Variants in FMNL2 observed in about 807,000 individuals in gnomAD.
FMNL2 encodes formin-like protein 2.
FMNL2 carries 51 observed loss-of-function variants against 130.2 expected under a neutral mutation model. The ratio of observed to expected loss-of-function variants is 0.39; its 90% CI spans 0.31 to 0.49. The LOEUF (loss-of-function observed/expected upper bound fraction) is 0.49. Ranked by LOEUF, FMNL2 falls within the 20% of genes least tolerant of loss-of-function variation. The probability of loss-of-function intolerance (pLI) is 0.85; values close to 1 mark genes in which losing one functional copy is unlikely to be tolerated. For missense variants in FMNL2, 977 were observed against 1,316.2 expected, an observed-to-expected ratio of 0.74 and a Z score of 3.99; for synonymous variants, 465 against 467.1, an observed-to-expected ratio of 1.00 and a Z score of 0.06.
intron 1 of FMNL2, among the ~76,000 whole-genome samples, chr2:152,415,023 A>G (rs940120831): frequency 2.6e-5 from 4 of 152,162 alleles, no homozygotes; most frequent in African/African-American, 9.7e-5. Flanking sequence ...AAATATCACA[A>G]AATTCCAGTA....
At chr2:152,570,080 C>T (rs1696093633) in intron 6 of FMNL2, among the ~76,000 whole-genome samples, 1 of 151,904 alleles carries the variant, frequency 6.6e-6, no homozygotes, top group Non-Finnish European at 1.5e-5. Context: ...CTCATACTAG[C>T]ATTGAGTTAT....
chr2:152,641,589 T>C (rs901889114), intron 25 of FMNL2, among the ~76,000 whole-genome samples: 10 of 152,208 alleles, frequency 6.6e-5, no homozygotes, highest in African/African-American at 1.7e-4. Flanking sequence ...CAGATGCTTA[T>C]AGCTTTTTAT....
intron 1 of FMNL2, among the ~76,000 whole-genome samples, chr2:152,416,353 C>T (rs889042019): frequency 6.6e-6 from 1 of 152,132 alleles, no homozygotes; most frequent in Non-Finnish European, 1.5e-5. Context: ...GTGTTCACTT[C>T]TTTTATCAAA....
Position 152,526,022 on chromosome 2 carries a change from G to A in FMNL2, c.201+3996G>A, listed in dbSNP as rs1270902324. On this transcript the variant is annotated intron_variant, in intron 2 of 25. Coordinates refer to ENST00000288670, the MANE Select transcript of FMNL2 (RefSeq NM_052905.4). Reference sequence around the variant, plus strand: ...CGTGCATCAATATTTAAGCCAATTTGCCATTGGAATTAAATTTTCTAAAAC... The same window carrying A: ...CGTGCATCAATATTTAAGCCAATTTACCATTGGAATTAAATTTTCTAAAAC... Among the ~76,000 whole-genome samples, 3 of 152,298 alleles carry A rather than the reference G, an allele frequency of 2.0e-5. No homozygotes were observed. In the East Asian group the frequency reaches 5.8e-4, roughly 29 times the overall value.
intron 1 of FMNL2, among the ~76,000 whole-genome samples, chr2:152,383,567 T>G (rs1441851787): frequency 6.6e-6 from 1 of 152,020 alleles, no homozygotes; most frequent in Non-Finnish European, 1.5e-5. Context: ...AGACCCTGTT[T>G]CAAATCAAAA....
intron 1 of FMNL2, among the ~76,000 whole-genome samples, chr2:152,465,356 G>C (rs1689471954): frequency 6.6e-6 from 1 of 152,214 alleles, no homozygotes; most frequent in South Asian, 2.1e-4. Context: ...AGGAGCCCGA[G>C]AGCAGGAAGG....
intron 1 of FMNL2, among the ~76,000 whole-genome samples, chr2:152,460,557 C>T (rs1272053369): frequency 6.6e-6 from 1 of 152,206 alleles, no homozygotes; most frequent in Non-Finnish European, 1.5e-5. Context: ...CTTCATAGAG[C>T]AGGGGTCCCC....
At chr2:152,349,911 G>C (rs1209869413) in intron 1 of FMNL2, among the ~76,000 whole-genome samples, 1 of 151,108 alleles carries the variant, frequency 6.6e-6, no homozygotes. Context: ...TATTTCTTGA[G>C]CGTTTACTGT....
Position 152,411,693 on chromosome 2 carries a change from A to G in FMNL2, c.117+75973A>G, listed in dbSNP as rs185678745. On this transcript the variant is annotated intron_variant, in intron 1 of 25. Transcript: ENST00000288670. ...AGGGCCAGGTGTTGTCACTGTCTCT[A>G]GCACCGCTTCCATTTCACTCCCATT... Among the ~76,000 whole-genome samples the G allele has an allele frequency of 1.3e-3, 193 of 152,316 alleles. 2 individuals are homozygous for G. The highest frequency in any genetic ancestry group is 2.2e-3 in the Non-Finnish European group (153 of 68,018).
At chr2:152,520,521 G>A (rs192560445) in intron 1 of FMNL2, among the ~76,000 whole-genome samples, 36 of 151,586 alleles carry the variant, frequency 2.4e-4, no homozygotes, top group African/African-American at 8.0e-4. Flanking sequence ...CTTGAACCCA[G>A]GAAGCGGAGG....
chr2:152,524,522 C>G (rs114427331), intron 2 of FMNL2, among the ~76,000 whole-genome samples: 4,619 of 152,150 alleles, frequency 0.03, 115 homozygotes, highest in Middle Eastern at 0.048. Flanking sequence ...ACAGAGTTCC[C>G]ATGAAGACAT....
chr2:152,449,040 T>C (rs1044692900), intron 1 of FMNL2, among the ~76,000 whole-genome samples: 4 of 152,200 alleles, frequency 2.6e-5, no homozygotes, highest in African/African-American at 9.6e-5. Context: ...CACTCAGTAG[T>C]CAAGACCCAA....
chr2:152,584,038 T>C (rs1409437504), intron 9 of FMNL2, among the ~76,000 whole-genome samples: 1 of 152,190 alleles, frequency 6.6e-6, no homozygotes, highest in East Asian at 1.9e-4. Context: ...TTATTCTGTG[T>C]TGATCTTGCT....
chr2:152,493,474 C>T (rs1410310257), intron 1 of FMNL2, among the ~76,000 whole-genome samples: 1 of 152,140 alleles, frequency 6.6e-6, no homozygotes, highest in Admixed American at 6.5e-5. Flanking sequence ...CCCTCTAAAC[C>T]TCATGTTGAA....
chr2:152,347,997 A>AT (rs554589318), intron 1 of FMNL2, among the ~76,000 whole-genome samples: 4 of 142,224 alleles, frequency 2.8e-5, no homozygotes, highest in Non-Finnish European at 6.2e-5. Flanking sequence ...TCTCCTTCGT[A>AT]TTTTTTTCCC....
At chr2:152,625,819 TC>T (rs1261256862) in intron 16 of FMNL2, among the ~76,000 whole-genome samples, 2 of 152,114 alleles carry the variant, frequency 1.3e-5, no homozygotes, top group Non-Finnish European at 2.9e-5. Flanking sequence ...AGAATATAGA[TC>T]TGACATAATA....
At chr2:152,602,373 A>G (rs939165340) in intron 9 of FMNL2, among the ~76,000 whole-genome samples, 2 of 152,208 alleles carry the variant, frequency 1.3e-5, no homozygotes, top group Admixed American at 6.5e-5. Flanking sequence ...CAGGGCATAT[A>G]CTTTTATTTG....
At chr2:152,352,199 T>C (rs4664103) in intron 1 of FMNL2, among the ~76,000 whole-genome samples, 126,675 of 152,094 alleles carry the variant, frequency 0.83, 53,066 homozygotes, top group Admixed American at 0.9. Flanking sequence ...GATTTTAAGG[T>C]AGCCCTAATG....
chr2:152,618,977 A>C lies in FMNL2; in HGVS notation c.1446A>C (p.Lys482Asn), dbSNP rs773425285. 1.9e-6 allele frequency: 3 copies of C among 1,614,092 alleles called. No homozygotes were observed. Among genetic ancestry groups the C allele is most frequent in the Non-Finnish European group, 2.5e-6 (3 of 1,179,900 alleles). The change falls in exon 14 of 26, where the codon AAA becomes AAC. Residue 482 changes from lysine to asparagine, a missense_variant. Physicochemically the swap from Lys to Asn is moderately conservative, Grantham distance 94. Transcript: ENST00000288670. ...AGCTAGAGAAACAAGGGACCATTAAAATTCAGAAGAAAGGGGATGGGGATA... is the reference window on the plus strand; with the variant it reads ...AGCTAGAGAAACAAGGGACCATTAACATTCAGAAGAAAGGGGATGGGGATA... The part of the protein sequence containing the change: ...IHELEKQGTI[K>N]IQKKGDGDIA...
Sources: allele counts gnomAD v4.1 joint callset (sites outside exome capture counted in the v4.1 genomes callset), GRCh38; gene constraint gnomAD v4.1.1; transcripts MANE v1.5; gene names NCBI Gene and HGNC (gene_info 2026-07-23, HGNC 2026-07-21).